Variants in CNTN3 observed in about 807,000 individuals in gnomAD.
CNTN3 encodes the protein contactin 3.
A neutral mutation model predicts 119.1 loss-of-function variants in CNTN3; 60 were observed. The ratio of observed to expected loss-of-function variants is 0.50; its 90% CI spans 0.41 to 0.62. CNTN3 has a LOEUF of 0.62. Ranked by LOEUF, CNTN3 falls within the 20% of genes least tolerant of loss-of-function variation. CNTN3 has a pLI of 0.00. For missense variants in CNTN3, 1,101 were observed against 1,242.4 expected (o/e 0.89, Z 1.71); for synonymous variants, 450 against 438.7 (o/e 1.03, Z -0.32).
At chr3:74,540,476 C>A (rs750921306) in intron 1 of CNTN3, among the ~76,000 whole-genome samples, 4 of 152,000 alleles carry the variant, frequency 2.6e-5, no homozygotes, top group Non-Finnish European at 5.9e-5. Flanking sequence ...ATGGTAAGCA[C>A]CTTAGTTAAC....
intron 4 of CNTN3, among the ~76,000 whole-genome samples, chr3:74,429,041 A>G (rs868091528): frequency 1.3e-5 from 2 of 152,210 alleles, no homozygotes; most frequent in Middle Eastern, 3.2e-3. Context: ...AGTACATACT[A>G]TGATGTTTGA....
intron 4 of CNTN3, among the ~76,000 whole-genome samples, chr3:74,429,630 A>G (rs932945757): frequency 1.2e-4 from 19 of 152,158 alleles, no homozygotes; most frequent in African/African-American, 4.6e-4. Flanking sequence ...AGGAAGGACC[A>G]ATAAACCAGA....
rs148840657 is a variant in CNTN3 at position 74,556,702 on chromosome 3, C to G, written c.-80-35510G>C. Among the ~76,000 whole-genome samples, 691 of 152,242 alleles carry G rather than the reference C, an allele frequency of 4.5e-3. 2 individuals carry two copies. The highest frequency in any genetic ancestry group is 0.016 in the African/African-American group (652 of 41,560). ...ATGGGACCTCTATATTTAACATTTT[C>G]AGGAACTGCCAGACTGTTTTCCAAT... On this transcript the variant is annotated intron_variant, in intron 1 of 22. Coordinates refer to ENST00000263665, the MANE Select transcript of CNTN3 (RefSeq NM_020872.3).
intron 11 of CNTN3, among the ~76,000 whole-genome samples, chr3:74,339,719 A>T (rs997197581): frequency 2.0e-5 from 3 of 152,084 alleles, no homozygotes; most frequent in Admixed American, 6.5e-5. Context: ...CAAAAATAAA[A>T]CTTGTTGAAT....
intron 13 of CNTN3, among the ~76,000 whole-genome samples, chr3:74,313,359 G>T (rs545725040): frequency 7.0e-4 from 106 of 151,626 alleles, no homozygotes; most frequent in African/African-American, 2.5e-3. Context: ...ATGCCCCCAA[G>T]AAAACAGAAA....
intron 4 of CNTN3, among the ~76,000 whole-genome samples, chr3:74,446,679 A>G (rs1702053038): frequency 2.5e-5 from 2 of 78,590 alleles, no homozygotes; most frequent in South Asian, 5.5e-4. Context: ...AGTTAATTTT[A>G]CTTGTTTTTT....
intron 13 of CNTN3, among the ~76,000 whole-genome samples, chr3:74,329,370 C>T (rs1703207581): frequency 2.0e-5 from 3 of 152,094 alleles, no homozygotes; most frequent in African/African-American, 7.2e-5. Context: ...ATCATAGATC[C>T]AATTCCACAA....
intron 11 of CNTN3, among the ~76,000 whole-genome samples, chr3:74,342,331 C>T (rs940278437): frequency 6.6e-6 from 1 of 152,036 alleles, no homozygotes; most frequent in Non-Finnish European, 1.5e-5. Flanking sequence ...ATAGTATTAG[C>T]GTTTTTATTC....
intron 1 of CNTN3, among the ~76,000 whole-genome samples, chr3:74,557,505 T>C (rs1704088541): frequency 6.6e-6 from 1 of 152,054 alleles, no homozygotes; most frequent in Non-Finnish European, 1.5e-5. Flanking sequence ...CTTCAACAGG[T>C]AGGACATACA....
intron 4 of CNTN3, among the ~76,000 whole-genome samples, chr3:74,467,099 GATACAA>G (rs1423559361): frequency 6.6e-6 from 1 of 151,854 alleles, no homozygotes; most frequent in Non-Finnish European, 1.5e-5. Context: ...TTTCAAAAAA[GATACAA>G]ATACAATTTT....
chr3:74,450,502 GTTT>G (rs35264458), intron 4 of CNTN3, among the ~76,000 whole-genome samples: 3 of 128,194 alleles, frequency 2.3e-5, no homozygotes, highest in Non-Finnish European at 3.3e-5. Flanking sequence ...CTGAAGCCCT[GTTT>G]TTTTTTTTTT....
chr3:74,285,396 G>A lies in CNTN3; in HGVS notation c.2613C>T (p.Ser871=). The A allele has an allele frequency of 6.2e-7, 1 of 1,613,614 alleles. No homozygotes were observed. The highest frequency in any genetic ancestry group is 8.5e-7 in the Non-Finnish European group (1 of 1,179,774). Residue 871 remains serine, a synonymous_variant, in exon 20 of 23, where the codon AGC becomes AGT. Transcript: ENST00000263665. Reference sequence around the variant, plus strand: ...GGACAGCCGTGTAATAGGCCAGGTTGCTCTTCAGGCCCCGTAGTCTGGCTG... The same window carrying A: ...GGACAGCCGTGTAATAGGCCAGGTTACTCTTCAGGCCCCGTAGTCTGGCTG... The part of the protein sequence containing the change: ...ETSARLRGLK[S]NLAYYTAVRA...
At chr3:74,481,504 C>T (rs901941338) in intron 4 of CNTN3, among the ~76,000 whole-genome samples, 2 of 151,748 alleles carry the variant, frequency 1.3e-5, no homozygotes, top group African/African-American at 2.4e-5. Context: ...CGTCTGATAA[C>T]TCACAAATCA....
intron 1 of CNTN3, among the ~76,000 whole-genome samples, chr3:74,534,199 C>T (rs750008647): frequency 1.5e-4 from 23 of 151,984 alleles, no homozygotes; most frequent in African/African-American, 2.2e-4. Context: ...TTAAAACTGA[C>T]CTTTTTACCA....
intron 13 of CNTN3, among the ~76,000 whole-genome samples, chr3:74,331,220 A>T (rs1449639711): frequency 2.0e-5 from 3 of 152,170 alleles, no homozygotes; most frequent in Non-Finnish European, 4.4e-5. Flanking sequence ...CACCTTTTTG[A>T]AAATCCTTTA....
At chr3:74,340,639 G>T (rs1236900872) in intron 11 of CNTN3, among the ~76,000 whole-genome samples, 2 of 152,094 alleles carry the variant, frequency 1.3e-5, no homozygotes, top group African/African-American at 4.8e-5. Context: ...AATATGCAAA[G>T]ACCAGAAGAT....
intron 5 of CNTN3, among the ~76,000 whole-genome samples, chr3:74,401,258 G>T (rs1015106607): frequency 1.3e-5 from 2 of 152,152 alleles, no homozygotes; most frequent in African/African-American, 4.8e-5. Context: ...CACAAGATGA[G>T]ATTTTTTAAC....
At chr3:74,451,612 C>T (rs1318437486) in intron 4 of CNTN3, among the ~76,000 whole-genome samples, 17 of 152,170 alleles carry the variant, frequency 1.1e-4, no homozygotes, top group South Asian at 1.0e-3. Context: ...TGAATGGTAA[C>T]GCCTAGGTTT....
chr3:74,525,019 T>A (rs911656747), intron 1 of CNTN3, among the ~76,000 whole-genome samples: 2 of 151,740 alleles, frequency 1.3e-5, no homozygotes, highest in African/African-American at 2.4e-5. Flanking sequence ...CTAAGGGTAT[T>A]AGTCGCAGAA....
Sources: gnomAD v4.1 joint callset for allele counts (sites outside exome capture counted in the v4.1 genomes callset) on GRCh38, gnomAD v4.1.1 for gene constraint, MANE v1.5 for transcripts, NCBI Gene and HGNC (gene_info 2026-07-23, HGNC 2026-07-21) for gene names.